Variants in FAM168B observed in about 807,000 individuals in gnomAD.
FAM168B encodes myelin-associated neurite-outgrowth inhibitor.
A neutral mutation model predicts 21.8 loss-of-function variants in FAM168B; 19 were observed. The ratio of observed to expected loss-of-function variants is 0.87; its 90% CI spans 0.61 to 1.28. The LOEUF is 1.28. FAM168B is among the 50% of genes most tolerant of loss of function. The pLI is 0.00. For missense variants in FAM168B, 233 were observed against 263.1 expected (o/e 0.89, Z 0.79); for synonymous variants, 126 against 104.8 (o/e 1.20, Z -1.24).
chr2:131,085,795 C>A (rs549573214), intron 1 of FAM168B, among the ~76,000 whole-genome samples: 2 of 152,308 alleles, frequency 1.3e-5, no homozygotes, highest in South Asian at 2.1e-4. Context: ...AGGTCTTGAC[C>A]AGCACTGACC....
chr2:131,051,167 G>C lies in FAM168B; in HGVS notation c.*1298C>G. 1 of 985,332 alleles carries C rather than the reference G, an allele frequency of 1.0e-6. No homozygotes were observed. Among genetic ancestry groups the C allele is most frequent in the Non-Finnish European group, 1.2e-6 (1 of 829,942 alleles). 61.0% of individuals were successfully genotyped at this position (985,332 alleles called of 1,614,324 possible). On this transcript the variant is annotated 3_prime_UTR_variant, in exon 7 of 7. Coordinates refer to ENST00000389915, the MANE Select transcript of FAM168B (RefSeq NM_001009993.4). The stretch of plus-strand genomic sequence containing the variant: ...CAGCTGCAAAAGAGATGGCAGGAGA[G>C]GCTCGCAGACAACAGACACTGGCCT...
intron 1 of FAM168B, among the ~76,000 whole-genome samples, chr2:131,092,125 C>G (rs960622760): frequency 1.4e-5 from 2 of 146,572 alleles, no homozygotes; most frequent in South Asian, 2.1e-4. Context: ...GTCTGGGAAA[C>G]AGAGGGAGAC....
intron 3 of FAM168B, among the ~76,000 whole-genome samples, chr2:131,058,254 T>C (rs1463105835): frequency 1.3e-5 from 2 of 152,218 alleles, no homozygotes; most frequent in Admixed American, 1.3e-4. Context: ...CATGGATATA[T>C]TGCACAGTGG....
chr2:131,050,387 G>A lies in FAM168B; in HGVS notation c.*2078C>T, dbSNP rs927653174. ...CTGCTACTTGGTCAGCTGAACCCCT[G>A]GAACCGTTAGAACCTACTAATCCTG... On this transcript the variant is annotated 3_prime_UTR_variant, in exon 7 of 7. Coordinates refer to ENST00000389915, the MANE Select transcript of FAM168B (RefSeq NM_001009993.4). 2.0e-6 allele frequency: 2 copies of A among 985,608 alleles called. No homozygotes were observed. The highest frequency in any genetic ancestry group is 3.5e-5 in the African/African-American group (2 of 57,222). The allele number at this position is 985,608 out of a possible 1,614,324, so 61.1% of individuals were successfully genotyped here.
chr2:131,062,497 G>C (rs529696470), intron 3 of FAM168B, among the ~76,000 whole-genome samples: 1 of 152,298 alleles, frequency 6.6e-6, no homozygotes, highest in African/African-American at 2.4e-5. Flanking sequence ...GCCCAGGTTG[G>C]AGTGCAGCGG....
At chr2:131,059,664 AAT>A (rs1174078664) in intron 3 of FAM168B, among the ~76,000 whole-genome samples, 4 of 152,190 alleles carry the variant, frequency 2.6e-5, no homozygotes, top group African/African-American at 4.8e-5. Context: ...CAAAGTTGGG[AAT>A]CTCATTCCAA....
chr2:131,076,172 G>A (rs1693143848), intron 2 of FAM168B, among the ~76,000 whole-genome samples: 1 of 152,158 alleles, frequency 6.6e-6, no homozygotes, highest in South Asian at 2.1e-4. Context: ...TGAATCTGCA[G>A]GGTTCCAAGC....
rs756161407 is a variant in FAM168B at position 131,052,944 on chromosome 2, G to A, written c.547C>T (p.Pro183Ser). The part of the protein sequence containing the change: ...HPVTVPTYRA[P>S]GTPTYSYVPP... The stretch of plus-strand genomic sequence containing the variant: ...ACATAGCTGTAAGTGGGCGTTCCTG[G>A]GGCCCGGTACGTGGGCACAGTGACC... Residue 183 changes from proline to serine, a missense_variant, in exon 6 of 7, where the codon CCA becomes TCA. By Grantham distance (74) the Pro-to-Ser change is moderately conservative. Coordinates refer to ENST00000389915, the MANE Select transcript of FAM168B (RefSeq NM_001009993.4). 1.9e-6 allele frequency: 3 copies of A among 1,564,300 alleles called. No individual in the cohort carries two copies. The South Asian group carries it at 3.5e-5, about 18-fold the overall frequency.
intron 1 of FAM168B, among the ~76,000 whole-genome samples, chr2:131,085,398 T>C (rs1693639148): frequency 6.6e-6 from 1 of 152,182 alleles, no homozygotes; most frequent in Non-Finnish European, 1.5e-5. Context: ...CTTGGTTCTG[T>C]TTAAAGGCAA....
chr2:131,051,260 G>A lies in FAM168B; in HGVS notation c.*1205C>T. ...GCAGACAAGTCACCACCATCAGGTGGGTGATCCCAGAAGCAGCTACAGGTT... is the reference window on the plus strand; with the variant it reads ...GCAGACAAGTCACCACCATCAGGTGAGTGATCCCAGAAGCAGCTACAGGTT... On this transcript the variant is annotated 3_prime_UTR_variant, in exon 7 of 7. Transcript: ENST00000389915. The A allele has an allele frequency of 1.0e-6, 1 of 985,230 alleles. No individual in the cohort carries two copies. The highest frequency in any genetic ancestry group is 1.2e-6 in the Non-Finnish European group (1 of 829,902). The allele number at this position is 985,230 out of a possible 1,614,324, so 61.0% of individuals were successfully genotyped here.
In FAM168B at chr2:131,049,083, A is replaced by ACT. The variant is rs1458791486; in HGVS notation, c.*3380_*3381dup. On this transcript the variant is annotated 3_prime_UTR_variant, in exon 7 of 7. Transcript: ENST00000389915. ...TGGCCTTTCACCAGCACTCACTGGCACTCACAGGTGCCTTACATACCTTAC... is the reference window on the plus strand; with the variant it reads ...TGGCCTTTCACCAGCACTCACTGGCACTCTCACAGGTGCCTTACATACCTTAC... 1.0e-6 allele frequency: 1 copy of ACT among 985,296 alleles called. No individual in the cohort carries two copies. Among genetic ancestry groups the ACT allele is most frequent in the East Asian group, 1.1e-4 (1 of 8,826 alleles). 61.0% of individuals were successfully genotyped at this position (985,296 alleles called of 1,614,324 possible).
intron 2 of FAM168B, among the ~76,000 whole-genome samples, chr2:131,072,957 G>A (rs544060910): frequency 1.3e-5 from 2 of 152,302 alleles, no homozygotes; most frequent in African/African-American, 2.4e-5. Flanking sequence ...GAACAGCTAA[G>A]CCTATGTAAA....
chr2:131,051,493 A>T lies in FAM168B; in HGVS notation c.*972T>A. On this transcript the variant is annotated 3_prime_UTR_variant, in exon 7 of 7. Transcript: ENST00000389915. ...CAAACATTTCTCCAGGAAAAAAAAA[A>T]AAAAAGGAATGATTTTCTAAGCTAA... 1 of 985,310 alleles carries T rather than the reference A, an allele frequency of 1.0e-6. No individual in the cohort carries two copies. The highest frequency in any genetic ancestry group is 1.2e-6 in the Non-Finnish European group (1 of 829,882). 61.0% of individuals were successfully genotyped at this position (985,310 alleles called of 1,614,324 possible).
chr2:131,083,896 ATTTATTTATTTAT>A (rs1400914192), intron 1 of FAM168B, among the ~76,000 whole-genome samples: 2 of 151,022 alleles, frequency 1.3e-5, no homozygotes, highest in African/African-American at 4.9e-5. Flanking sequence ...TTATTTATTT[ATTTATTTATTTAT>A]TTATTTATTT....
Position 131,087,989 on chromosome 2 carries a change from T to C in FAM168B, c.-12+5225A>G, listed in dbSNP as rs148309703. On this transcript the variant is annotated intron_variant, in intron 1 of 6. Coordinates refer to ENST00000389915, the MANE Select transcript of FAM168B (RefSeq NM_001009993.4). ...GGCTGGTTGCAGTGGCTCATCCCTG[T>C]AATCCCAGCACTTTGGGAGGCCGAT... 7.7e-4 allele frequency among the ~76,000 whole-genome samples: 117 copies of C among 152,292 alleles called. 1 individual carries two copies. Among genetic ancestry groups the C allele is most frequent in the East Asian group, 2.5e-3 (13 of 5,182 alleles).
intron 3 of FAM168B, among the ~76,000 whole-genome samples, chr2:131,063,639 G>C (rs76772379): frequency 0.016 from 2,373 of 152,256 alleles, 27 homozygotes; most frequent in Non-Finnish European, 0.021. Flanking sequence ...AGCAAGGCAT[G>C]GTGGGGTGTA....
rs1558949550 is a variant in FAM168B, at chr2:131,059,615, CCCTCTGTGTGTCA to C, written c.155-3933_155-3921del. Among the ~76,000 whole-genome samples, 15 of 152,170 alleles carry C rather than the reference CCCTCTGTGTGTCA, an allele frequency of 9.9e-5. No individual in the cohort carries two copies. In the East Asian group the frequency reaches 2.9e-3, roughly 29 times the overall value. ...ATAAAAATGTCAAAACATAGAGCTA[CCCTCTGTGTGTCA>C]CATCCTGAGAACAGATGCTAGACTT... On this transcript the variant is annotated intron_variant, in intron 3 of 6. Coordinates refer to ENST00000389915, the MANE Select transcript of FAM168B (RefSeq NM_001009993.4).
chr2:131,066,303 G>C (rs941046151), intron 3 of FAM168B, among the ~76,000 whole-genome samples: 10 of 151,824 alleles, frequency 6.6e-5, no homozygotes, highest in African/African-American at 2.4e-4. Flanking sequence ...AACCTCCCGA[G>C]TAGCTGGGAC....
intron 3 of FAM168B, among the ~76,000 whole-genome samples, chr2:131,059,424 C>A (rs1445326125): frequency 6.6e-6 from 1 of 152,140 alleles, no homozygotes; most frequent in Admixed American, 6.5e-5. Flanking sequence ...CATGCAGCAG[C>A]CAGACACCAG....
Sources: gnomAD v4.1 joint callset for allele counts (sites outside exome capture counted in the v4.1 genomes callset) on GRCh38, gnomAD v4.1.1 for gene constraint, MANE v1.5 for transcripts, NCBI Gene and HGNC (gene_info 2026-07-23, HGNC 2026-07-21) for gene names.